Variants in RBM47 observed in about 807,000 individuals in gnomAD.
The protein encoded by RBM47 is RNA-binding protein 47.
RBM47 carries 21 observed loss-of-function variants against 47.1 expected under a neutral mutation model. That is an observed-to-expected ratio of 0.45 (90% CI 0.32 to 0.64). The LOEUF (loss-of-function observed/expected upper bound fraction) is 0.64, where lower values mean the gene tolerates loss of function less well. RBM47 is among the 30% of genes least tolerant of loss of function. The pLI, the probability that RBM47 is intolerant of heterozygous loss-of-function variation, is 0.05. For missense variants in RBM47, 708 were observed against 870.9 expected, an observed-to-expected ratio of 0.81 and a Z score of 2.35; for synonymous variants, 375 against 361.7, an observed-to-expected ratio of 1.04 and a Z score of -0.42.
At position 40,438,416 on chromosome 4, in the gene RBM47, T is replaced by G; in HGVS notation, c.478A>C (p.Lys160Gln). The part of the protein sequence containing the change: ...NCRLFIGGIP[K>Q]MKKREEILEE... ...AGGATTTCCTCGCGCTTCTTCATCT[T>G]GGGGATCCCGCCGATGAAGAGGCGG... is the stretch of plus-strand genomic sequence containing the variant. The change falls in exon 4 of 7, where the codon AAG becomes CAG. Residue 160 changes from lysine to glutamine, a missense_variant. Transcript: ENST00000295971. 1 of 1,613,368 alleles carries G rather than the reference T, an allele frequency of 6.2e-7. No individual in the cohort carries two copies. The highest frequency in any genetic ancestry group is 1.1e-5 in the South Asian group (1 of 91,088).
At chr4:40,526,113 T>A (rs1726680635) in intron 2 of RBM47, among the ~76,000 whole-genome samples, 1 of 152,208 alleles carries the variant, frequency 6.6e-6, no homozygotes, top group Non-Finnish European at 1.5e-5. Flanking sequence ...AATTCATTCT[T>A]GTGAAAGCTG....
At chr4:40,495,167 G>A (rs1251884699) in intron 2 of RBM47, among the ~76,000 whole-genome samples, 7 of 152,042 alleles carry the variant, frequency 4.6e-5, no homozygotes, top group Admixed American at 3.3e-4. Flanking sequence ...ATTAACAAAG[G>A]GCCTCACCCT....
intron 1 of RBM47, among the ~76,000 whole-genome samples, chr4:40,623,048 T>C (rs147277529): frequency 1.5e-3 from 230 of 152,338 alleles, no homozygotes; most frequent in African/African-American, 5.3e-3. Flanking sequence ...CTTTCATACA[T>C]GACCAGGGTG....
chr4:40,603,900 C>T (rs1282011005), intron 1 of RBM47, among the ~76,000 whole-genome samples: 2 of 152,216 alleles, frequency 1.3e-5, no homozygotes, highest in South Asian at 2.1e-4. Flanking sequence ...CACTCCCAGC[C>T]GGCACCAGGC....
At position 40,524,831 on chromosome 4, in the gene RBM47, C is replaced by T. The variant is rs954358905; in HGVS notation, c.-155+19591G>A. On this transcript the variant is annotated intron_variant, in intron 2 of 6. Coordinates refer to ENST00000295971, the MANE Select transcript of RBM47 (RefSeq NM_001098634.2). The stretch of plus-strand genomic sequence containing the variant: ...AAAAGCCACTGGGAGCCCGGTACTG[C>T]GCTAGAATCTTCTTTGAGAATAAGC... Among the ~76,000 whole-genome samples the T allele has an allele frequency of 6.6e-5, 10 of 152,262 alleles. No individual in the cohort carries two copies. In the East Asian group the frequency reaches 7.7e-4, roughly 12 times the overall value.
At chr4:40,600,999 A>AAAAAAGAAAG (rs1338188731) in intron 1 of RBM47, among the ~76,000 whole-genome samples, 1,597 of 147,274 alleles carry the variant, frequency 0.011, 61 homozygotes, top group African/African-American at 0.04. Flanking sequence ...AAAAAAAAAA[A>AAAAAAGAAAG]AAAGAAAGAA....
chr4:40,461,808 G>A (rs1009317793), intron 3 of RBM47, among the ~76,000 whole-genome samples: 3 of 152,026 alleles, frequency 2.0e-5, no homozygotes, highest in Admixed American at 6.6e-5. Flanking sequence ...GGTGGCAGGC[G>A]CCTGTAATCC....
intron 1 of RBM47, among the ~76,000 whole-genome samples, chr4:40,561,083 C>T (rs1730572512): frequency 6.6e-6 from 1 of 152,070 alleles, no homozygotes; most frequent in Admixed American, 6.6e-5. Context: ...TTTTTTACCT[C>T]CCAACAATCA....
At chr4:40,431,690 T>C (rs1162087755) in intron 6 of RBM47, among the ~76,000 whole-genome samples, 1 of 147,870 alleles carries the variant, frequency 6.8e-6, no homozygotes, top group Non-Finnish European at 1.5e-5. Flanking sequence ...AAAATTTATC[T>C]AGGAGGTGGA....
chr4:40,437,157 CATAT>C lies in RBM47; in HGVS notation c.1124-514_1124-511del, dbSNP rs373275153. 9.6e-3 allele frequency among the ~76,000 whole-genome samples: 645 copies of C among 67,020 alleles called. 26 individuals carry two copies. Among genetic ancestry groups the C allele is most frequent in the African/African-American group, 0.049 (503 of 10,236 alleles). The allele number at this position is 67,020 out of a possible 152,430, so 44.0% of individuals were successfully genotyped here. A position where few individuals can be genotyped will look rare whatever the true frequency, so the allele number is the denominator to read the frequency against. ...AAAATACATATATATATATAAAATA[CATAT>C]ATATATATATAATACATATATATAT... On this transcript the variant is annotated intron_variant, in intron 4 of 6. Coordinates refer to ENST00000295971, the MANE Select transcript of RBM47 (RefSeq NM_001098634.2).
chr4:40,477,396 C>T (rs190776904), intron 2 of RBM47, among the ~76,000 whole-genome samples: 49 of 152,182 alleles, frequency 3.2e-4, no homozygotes, highest in Admixed American at 7.2e-4. Flanking sequence ...AAAACTAAAT[C>T]GCTATGTTCT....
intron 2 of RBM47, among the ~76,000 whole-genome samples, chr4:40,497,953 T>C (rs1722832705): frequency 6.6e-6 from 1 of 150,780 alleles, no homozygotes. Flanking sequence ...ATCACACCAC[T>C]GCCCTCCAGC....
intron 2 of RBM47, among the ~76,000 whole-genome samples, chr4:40,494,833 G>A (rs750510277): frequency 4.2e-4 from 64 of 152,112 alleles, no homozygotes; most frequent in Non-Finnish European, 7.8e-4. Context: ...AACCAACACA[G>A]AAAACATATA....
At chr4:40,434,002 G>GGGGGGGGGGGTATGTGT (rs1213913858) in intron 5 of RBM47, among the ~76,000 whole-genome samples, 1 of 45,628 alleles carries the variant, frequency 2.2e-5, no homozygotes, top group African/African-American at 5.2e-5. Flanking sequence ...GTGGGGCGGG[G>GGGGGGGGGGGTATGTGT]GTGTGTGTGT....
At chr4:40,449,165 T>C (rs1489294046) in intron 3 of RBM47, among the ~76,000 whole-genome samples, 1 of 152,206 alleles carries the variant, frequency 6.6e-6, no homozygotes, top group African/African-American at 2.4e-5. Flanking sequence ...TGGAATTTAC[T>C]TGGGAGGTCA....
At chr4:40,617,201 C>G (rs1304367693) in intron 1 of RBM47, among the ~76,000 whole-genome samples, 1 of 151,900 alleles carries the variant, frequency 6.6e-6, no homozygotes, top group Non-Finnish European at 1.5e-5. Context: ...TTTTATCTTT[C>G]TCTTACTTGT....
At chr4:40,528,593 C>T (rs1352207812) in intron 2 of RBM47, among the ~76,000 whole-genome samples, 1 of 151,714 alleles carries the variant, frequency 6.6e-6, no homozygotes, top group Non-Finnish European at 1.5e-5. Context: ...GGTGAAAACC[C>T]ATCTCTACTA....
At chr4:40,439,483 G>A (rs933071876) in intron 3 of RBM47, among the ~76,000 whole-genome samples, 1 of 152,148 alleles carries the variant, frequency 6.6e-6, no homozygotes, top group African/African-American at 2.4e-5. Flanking sequence ...GAAATGAAAT[G>A]TGCACATTGC....
At chr4:40,443,929 T>C (rs1479052401) in intron 3 of RBM47, among the ~76,000 whole-genome samples, 2 of 152,134 alleles carry the variant, frequency 1.3e-5, no homozygotes, top group Non-Finnish European at 2.9e-5. Context: ...CTGGGCTCAG[T>C]GGCTCACGCC....
Sources: allele counts gnomAD v4.1 joint callset (sites outside exome capture counted in the v4.1 genomes callset), GRCh38; gene constraint gnomAD v4.1.1; transcripts MANE v1.5; gene names NCBI Gene and HGNC (gene_info 2026-07-23, HGNC 2026-07-21).